Variants in LHFPL6 observed in about 807,000 individuals in gnomAD.
The protein encoded by LHFPL6 is LHFPL tetraspan subfamily member 6.
LHFPL6 carries 9 observed loss-of-function variants against 20.6 expected under a neutral mutation model. The ratio of observed to expected loss-of-function variants is 0.44; its 90% CI spans 0.26 to 0.76. The LOEUF (loss-of-function observed/expected upper bound fraction) is 0.76, where lower values mean the gene tolerates loss of function less well. Ranked by LOEUF, LHFPL6 falls within the 30% of genes least tolerant of loss-of-function variation. The pLI is 0.20. For missense variants in LHFPL6, 218 were observed against 253.5 expected, an observed-to-expected ratio of 0.86 and a Z score of 0.95; for synonymous variants, 105 against 98.7, an observed-to-expected ratio of 1.06 and a Z score of -0.38.
chr13:39,548,846 T>C (rs1431146289), intron 2 of LHFPL6, among the ~76,000 whole-genome samples: 7 of 151,938 alleles, frequency 4.6e-5, no homozygotes, highest in African/African-American at 1.5e-4. Flanking sequence ...GATTGTGTCA[T>C]GGAAATGCAG....
chr13:39,406,881 T>C (rs931947607), intron 2 of LHFPL6, among the ~76,000 whole-genome samples: 3 of 152,204 alleles, frequency 2.0e-5, no homozygotes, highest in African/African-American at 7.2e-5. Context: ...AGTGGTTGAG[T>C]ATCAACTGCA....
At chr13:39,479,994 T>C (rs1868449945) in intron 2 of LHFPL6, among the ~76,000 whole-genome samples, 1 of 152,198 alleles carries the variant, frequency 6.6e-6, no homozygotes, top group African/African-American at 2.4e-5. Flanking sequence ...ATCCACATTA[T>C]AAAATTGGCA....
intron 2 of LHFPL6, among the ~76,000 whole-genome samples, chr13:39,488,976 T>A (rs1868821202): frequency 6.6e-6 from 1 of 152,178 alleles, no homozygotes; most frequent in African/African-American, 2.4e-5. Context: ...CCGTCTGCTT[T>A]ATGTGGCTCC....
intron 2 of LHFPL6, among the ~76,000 whole-genome samples, chr13:39,400,092 T>G (rs1870948125): frequency 6.6e-6 from 1 of 152,002 alleles, no homozygotes; most frequent in African/African-American, 2.4e-5. Flanking sequence ...AAACTCTGTC[T>G]CAAAACAAAA....
intron 2 of LHFPL6, among the ~76,000 whole-genome samples, chr13:39,436,960 C>G (rs1566111303): frequency 6.6e-6 from 1 of 152,208 alleles, no homozygotes; most frequent in East Asian, 1.9e-4. Flanking sequence ...GTGATGAAAT[C>G]CACAGCTCTA....
At chr13:39,428,783 A>G (rs146322196) in intron 2 of LHFPL6, among the ~76,000 whole-genome samples, 1 of 152,256 alleles carries the variant, frequency 6.6e-6, no homozygotes, top group African/African-American at 2.4e-5. Flanking sequence ...AGACACTTCT[A>G]TTCTAATGGA....
chr13:39,581,818 G>T (rs1474704062), intron 2 of LHFPL6, among the ~76,000 whole-genome samples: 3 of 152,164 alleles, frequency 2.0e-5, no homozygotes, highest in African/African-American at 7.2e-5. Flanking sequence ...CACTATCTGA[G>T]GGGAGGCTTA....
intron 2 of LHFPL6, among the ~76,000 whole-genome samples, chr13:39,440,554 C>T (rs1872091029): frequency 6.6e-6 from 1 of 152,172 alleles, no homozygotes; most frequent in Non-Finnish European, 1.5e-5. Context: ...TCTCCAGTTA[C>T]ATAGATAGGC....
chr13:39,368,331 C>T (rs528646915), intron 3 of LHFPL6, among the ~76,000 whole-genome samples: 1 of 151,344 alleles, frequency 6.6e-6, no homozygotes, highest in South Asian at 2.1e-4. Flanking sequence ...CGCCTGTAAC[C>T]TCAGCACTTT....
intron 2 of LHFPL6, among the ~76,000 whole-genome samples, chr13:39,486,484 C>T (rs189652663): frequency 1.3e-5 from 2 of 152,236 alleles, no homozygotes; most frequent in Admixed American, 1.3e-4. Context: ...CCAGGGAGCC[C>T]CACAAACCTG....
intron 2 of LHFPL6, among the ~76,000 whole-genome samples, chr13:39,477,608 A>T (rs1873116993): frequency 1.3e-5 from 2 of 152,202 alleles, no homozygotes; most frequent in Non-Finnish European, 2.9e-5. Context: ...AGAGCATGCG[A>T]GAATTCATCC....
intron 3 of LHFPL6, among the ~76,000 whole-genome samples, chr13:39,355,656 A>G (rs1430182654): frequency 1.3e-5 from 2 of 152,326 alleles, no homozygotes; most frequent in East Asian, 3.9e-4. Flanking sequence ...CACATGTAAT[A>G]ACAACCATGG....
At chr13:39,463,066 A>T (rs1256453156) in intron 2 of LHFPL6, among the ~76,000 whole-genome samples, 1 of 152,178 alleles carries the variant, frequency 6.6e-6, no homozygotes, top group Non-Finnish European at 1.5e-5. Context: ...TACCTCACCC[A>T]TAAGGCGATC....
At chr13:39,358,324 C>T (rs1869780136) in intron 3 of LHFPL6, among the ~76,000 whole-genome samples, 1 of 152,046 alleles carries the variant, frequency 6.6e-6, no homozygotes, top group African/African-American at 2.4e-5. Context: ...AAATGGTGCT[C>T]GTATAACTGG....
At chr13:39,514,362 G>A (rs902061776) in intron 2 of LHFPL6, among the ~76,000 whole-genome samples, 3 of 152,176 alleles carry the variant, frequency 2.0e-5, no homozygotes, top group Admixed American at 6.5e-5. Context: ...GAGCTCAGCA[G>A]TGCAATGACT....
intron 2 of LHFPL6, among the ~76,000 whole-genome samples, chr13:39,456,425 T>C (rs987015329): frequency 3.9e-5 from 6 of 152,258 alleles, no homozygotes; most frequent in Non-Finnish European, 8.8e-5. Context: ...GAGATCAATG[T>C]ATTTCCTGGC....
chr13:39,506,815 T>G (rs1869501886), intron 2 of LHFPL6, among the ~76,000 whole-genome samples: 2 of 152,176 alleles, frequency 1.3e-5, no homozygotes, highest in African/African-American at 4.8e-5. Context: ...TTTCTTTCAC[T>G]TGACAGCACA....
intron 2 of LHFPL6, among the ~76,000 whole-genome samples, chr13:39,407,727 T>G (rs566398003): frequency 6.6e-6 from 1 of 152,348 alleles, no homozygotes; most frequent in Admixed American, 6.5e-5. Context: ...ACTGAGCCAT[T>G]CATATACAAG....
At position 39,548,007 on chromosome 13, in the gene LHFPL6, A is replaced by G. The variant is rs1430853856; in HGVS notation, c.385+52825T>C. Among the ~76,000 whole-genome samples, 5 of 152,226 alleles carry G rather than the reference A, an allele frequency of 3.3e-5. No individual in the cohort carries two copies. The South Asian group carries it at 8.3e-4, about 25-fold the overall frequency. ...CTCCCTGGAAAATCAACAAAATTTA[A>G]AGGTCGTAAAACTCAGTGGGACCAC... On this transcript the variant is annotated intron_variant, in intron 2 of 3. Transcript: ENST00000379589.
Sources: allele counts gnomAD v4.1 joint callset (sites outside exome capture counted in the v4.1 genomes callset), GRCh38; gene constraint gnomAD v4.1.1; transcripts MANE v1.5; gene names NCBI Gene and HGNC (gene_info 2026-07-23, HGNC 2026-07-21).